Variants in HDAC4 observed in about 807,000 individuals in gnomAD.
HDAC4 encodes the protein histone deacetylase 4.
In HDAC4, 16 loss-of-function variants were observed where a neutral mutation model predicts 135.1. The observed-to-expected ratio is 0.12, with a 90% CI of 0.08 to 0.18. The LOEUF is 0.18. Among genes scored for constraint, HDAC4 ranks in the 10% least tolerant of loss-of-function variants. HDAC4 has a pLI of 1.00. For missense variants in HDAC4, 1,143 were observed against 1,511.8 expected (o/e 0.76, Z 4.05); for synonymous variants, 685 against 653.4 (o/e 1.05, Z -0.74).
chr2:239,258,043 T>C (rs748355011), intron 2 of HDAC4, among the ~76,000 whole-genome samples: 1 of 152,248 alleles, frequency 6.6e-6, no homozygotes, highest in Non-Finnish European at 1.5e-5. Context: ...GCGGCAGTTT[T>C]AGAAATAGAT....
intron 2 of HDAC4, among the ~76,000 whole-genome samples, chr2:239,326,521 T>C (rs981439371): frequency 2.0e-5 from 3 of 152,254 alleles, no homozygotes; most frequent in Non-Finnish European, 2.9e-5. Flanking sequence ...ATTTATGTTA[T>C]GTATATTTTA....
At chr2:239,108,847 G>A (rs917850349) in intron 14 of HDAC4, among the ~76,000 whole-genome samples, 6 of 152,234 alleles carry the variant, frequency 3.9e-5, no homozygotes, top group Non-Finnish European at 8.8e-5. Flanking sequence ...CAGCATGGAC[G>A]GGCCCCCAGG....
chr2:239,366,375 C>T (rs1043109747), intron 1 of HDAC4, among the ~76,000 whole-genome samples: 2 of 152,218 alleles, frequency 1.3e-5, no homozygotes, highest in East Asian at 3.8e-4. Context: ...CAGCTTTCTC[C>T]ATGGAGGAAA....
chr2:239,214,544 G>C (rs191387634), intron 3 of HDAC4, among the ~76,000 whole-genome samples: 1 of 152,200 alleles, frequency 6.6e-6, no homozygotes, highest in Admixed American at 6.5e-5. Context: ...GCCGAGATCA[G>C]ACTAGAGGGG....
At chr2:239,072,617 C>A (rs1026057576) in intron 22 of HDAC4, among the ~76,000 whole-genome samples, 1 of 152,228 alleles carries the variant, frequency 6.6e-6, no homozygotes, top group African/African-American at 2.4e-5. Context: ...AATGCACTCA[C>A]CGGGCCCAGT....
chr2:239,343,365 A>G (rs1051269350), intron 2 of HDAC4, among the ~76,000 whole-genome samples: 1 of 152,234 alleles, frequency 6.6e-6, no homozygotes, highest in Non-Finnish European at 1.5e-5. Flanking sequence ...TTCAGTCCCA[A>G]CATTCTAAGG....
rs774452553 is a variant in HDAC4 at position 239,303,200 on chromosome 2, C to A, written c.22+49478G>T. ...TGGCCTGTTCCCATCCCACACCCGG[C>A]TGCTCAGGCCTGGGGACAGGAGGGC... On this transcript the variant is annotated intron_variant, in intron 2 of 26. Coordinates refer to ENST00000543185, the MANE Select transcript of HDAC4 (RefSeq NM_001378414.1). This position sits in a 1 kb window ranked among gnomAD's most constrained non-coding sequence, Gnocchi z 5.1. 6.6e-6 allele frequency among the ~76,000 whole-genome samples: 1 copy of A among 152,226 alleles called. No homozygotes were observed. Among genetic ancestry groups the A allele is most frequent in the Non-Finnish European group, 1.5e-5 (1 of 68,040 alleles).
intron 8 of HDAC4, among the ~76,000 whole-genome samples, chr2:239,143,931 G>A (rs1409717020): frequency 6.6e-6 from 1 of 152,218 alleles, no homozygotes; most frequent in Non-Finnish European, 1.5e-5. Context: ...TTTCAGGAGT[G>A]GTGGGGTGAG....
chr2:239,298,961 C>A (rs571858369), intron 2 of HDAC4, among the ~76,000 whole-genome samples: 2 of 150,860 alleles, frequency 1.3e-5, no homozygotes, highest in African/African-American at 4.9e-5. Context: ...CTCCGCCTCC[C>A]GGGTTCATGC....
At chr2:239,111,741 G>T (rs1462777127) in intron 13 of HDAC4, 29 bp from the exon 14 acceptor site, 1 of 1,564,280 alleles carries the variant, frequency 6.4e-7, no homozygotes, top group South Asian at 1.2e-5. Flanking sequence ...CGTGTTGGCG[G>T]TTGCGGATGT....
At chr2:239,093,182 G>C (rs1240221351) in intron 17 of HDAC4, among the ~76,000 whole-genome samples, 1 of 152,222 alleles carries the variant, frequency 6.6e-6, no homozygotes, top group Non-Finnish European at 1.5e-5. Flanking sequence ...GTTTGAAAAA[G>C]AGGTCAAAGC....
rs565879487 is a variant in HDAC4 at position 239,315,794 on chromosome 2, G to A, written c.22+36884C>T. 5.3e-5 allele frequency among the ~76,000 whole-genome samples: 8 copies of A among 152,180 alleles called. No individual in the cohort carries two copies. The South Asian group carries it at 1.0e-3, about 20-fold the overall frequency. On this transcript the variant is annotated intron_variant, in intron 2 of 26. Coordinates refer to ENST00000543185, the MANE Select transcript of HDAC4 (RefSeq NM_001378414.1). ...GGATGCAAATGTAAAAAACGAAACC[G>A]TACAAGCACTCAAAGAAAACATCTT...
intron 3 of HDAC4, among the ~76,000 whole-genome samples, chr2:239,230,368 C>CAAAAAAAAAAAAAAAAAAAAACAA (rs2047474967): frequency 1.3e-5 from 1 of 79,394 alleles, no homozygotes; most frequent in Non-Finnish European, 2.3e-5. Context: ...AGCAAGCAAG[C>CAAAAAAAAAAAAAAAAAAAAACAA]AAAAAAAAAA....
chr2:239,374,072 A>C (rs1209981187), intron 1 of HDAC4, among the ~76,000 whole-genome samples: 2 of 152,218 alleles, frequency 1.3e-5, no homozygotes, highest in African/African-American at 4.8e-5. Flanking sequence ...AGCCCCTCTA[A>C]GGAGGGACAC....
At chr2:239,255,361 CCT>C (rs2048995167) in intron 2 of HDAC4, among the ~76,000 whole-genome samples, 1 of 151,372 alleles carries the variant, frequency 6.6e-6, no homozygotes, top group South Asian at 2.1e-4. Context: ...TGGTTGGTTT[CCT>C]CTTAAGAACA....
intron 9 of HDAC4, among the ~76,000 whole-genome samples, chr2:239,136,172 GA>G (rs1178405252): frequency 6.6e-6 from 1 of 152,194 alleles, no homozygotes; most frequent in Non-Finnish European, 1.5e-5. Flanking sequence ...GGGTTTGGCA[GA>G]TAGAAATCCC....
intron 11 of HDAC4, 118 bp from the exon 12 acceptor site, chr2:239,126,812 C>A: frequency 9.0e-7 from 1 of 1,110,346 alleles, no homozygotes. Flanking sequence ...CCCAGGCGTT[C>A]TGCCCTGGTG....
intron 5 of HDAC4, among the ~76,000 whole-genome samples, chr2:239,165,333 G>A (rs904145513): frequency 3.9e-5 from 6 of 152,200 alleles, no homozygotes; most frequent in East Asian, 3.8e-4. Flanking sequence ...ATCACCATTT[G>A]CCCAAATCCA....
At chr2:239,199,830 C>T (rs1177691360) in intron 3 of HDAC4, among the ~76,000 whole-genome samples, 3 of 151,870 alleles carry the variant, frequency 2.0e-5, no homozygotes, top group Non-Finnish European at 2.9e-5. Flanking sequence ...GCCTCCCGGG[C>T]TCACGCCATT....
Sources: gnomAD v4.1 joint callset for allele counts (sites outside exome capture counted in the v4.1 genomes callset) on GRCh38, gnomAD v4.1.1 for gene constraint, Gnocchi (gnomAD v3.1) non-coding constraint, MANE v1.5 for transcripts, NCBI Gene and HGNC (gene_info 2026-07-23, HGNC 2026-07-21) for gene names.